The following SMYD3 variants were observed in gnomAD, a reference collection of about 807,000 sequenced individuals.
The protein encoded by SMYD3 is histone-lysine N-methyltransferase SMYD3.
A neutral mutation model predicts 57.7 loss-of-function variants in SMYD3; 36 were observed. That is an observed-to-expected ratio of 0.62 (90% CI 0.48 to 0.82). The LOEUF is 0.82. Ranked by LOEUF, SMYD3 falls within the 40% of genes least tolerant of loss-of-function variation. The probability of loss-of-function intolerance (pLI) is 0.00; values close to 1 mark genes in which losing one functional copy is unlikely to be tolerated. For missense variants in SMYD3, 515 were observed against 538.8 expected (o/e 0.96, Z 0.44); for synonymous variants, 211 against 195.0 (o/e 1.08, Z -0.68).
intron 5 of SMYD3, among the ~76,000 whole-genome samples, chr1:246,073,244 T>C (rs554015296): frequency 6.6e-6 from 1 of 152,352 alleles, no homozygotes; most frequent in East Asian, 1.9e-4. Context: ...ATGTATGGTA[T>C]TGTTGCCTAT....
intron 5 of SMYD3, among the ~76,000 whole-genome samples, chr1:246,103,749 A>G (rs1196909173): frequency 6.6e-6 from 1 of 152,142 alleles, no homozygotes; most frequent in Admixed American, 6.5e-5. Context: ...TTAGTGTGAA[A>G]ATCAAAGCCT....
At chr1:245,789,135 T>A (rs2047165784) in intron 10 of SMYD3, among the ~76,000 whole-genome samples, 1 of 152,212 alleles carries the variant, frequency 6.6e-6, no homozygotes, top group South Asian at 2.1e-4. Context: ...TAATGAAATG[T>A]AGGTATGACA....
At chr1:246,427,333 AAACGGTGAAACCCC>A (rs2067233151) in intron 1 of SMYD3, among the ~76,000 whole-genome samples, 2 of 151,712 alleles carry the variant, frequency 1.3e-5, no homozygotes, top group African/African-American at 4.8e-5. Context: ...ATCCCGGCTA[AAACGGTGAAACCCC>A]GTCTCTACTA....
intron 5 of SMYD3, among the ~76,000 whole-genome samples, chr1:246,276,159 G>A (rs984466042): frequency 8.0e-6 from 1 of 124,498 alleles, no homozygotes; most frequent in Non-Finnish European, 1.7e-5. Context: ...AGTGGAGTCT[G>A]ATGCCCATGT....
intron 10 of SMYD3, among the ~76,000 whole-genome samples, chr1:245,837,983 C>T: frequency 6.6e-6 from 1 of 152,164 alleles, no homozygotes; most frequent in African/African-American, 2.4e-5. Flanking sequence ...GATTTTCCCA[C>T]CAGGGAGTAT....
intron 5 of SMYD3, among the ~76,000 whole-genome samples, chr1:245,962,424 G>A (rs1031634818): frequency 1.3e-4 from 20 of 152,144 alleles, no homozygotes; most frequent in Admixed American, 7.9e-4. Context: ...ACAAGGACAC[G>A]GTTGAGATGA....
chr1:245,842,191 T>A (rs1434858037), intron 10 of SMYD3, among the ~76,000 whole-genome samples: 4 of 152,170 alleles, frequency 2.6e-5, no homozygotes, highest in Non-Finnish European at 4.4e-5. Flanking sequence ...TCCCCATTAT[T>A]AAACAATGCA....
At chr1:245,971,195 G>C (rs2058291411) in intron 5 of SMYD3, among the ~76,000 whole-genome samples, 1 of 152,132 alleles carries the variant, frequency 6.6e-6, no homozygotes, top group African/African-American at 2.4e-5. Flanking sequence ...ACTAACATAG[G>C]AAAAGAAAAC....
intron 5 of SMYD3, among the ~76,000 whole-genome samples, chr1:245,967,047 T>C (rs527652266): frequency 6.6e-6 from 1 of 152,200 alleles, no homozygotes; most frequent in East Asian, 1.9e-4. Context: ...TATTGATCAA[T>C]GTGTTATAAT....
At chr1:246,334,360 T>C (rs575285686) in intron 3 of SMYD3, among the ~76,000 whole-genome samples, 24 of 152,324 alleles carry the variant, frequency 1.6e-4, no homozygotes, top group Admixed American at 1.4e-3. Context: ...ACATAAACAC[T>C]ATGAAATACC....
intron 5 of SMYD3, among the ~76,000 whole-genome samples, chr1:246,083,287 C>A (rs142689510): frequency 2.0e-5 from 3 of 152,204 alleles, no homozygotes; most frequent in Admixed American, 1.3e-4. Context: ...GTGGGACATG[C>A]GGGCAGCAAT....
intron 5 of SMYD3, among the ~76,000 whole-genome samples, chr1:246,091,815 A>G (rs1335641061): frequency 6.6e-6 from 1 of 152,242 alleles, no homozygotes; most frequent in Non-Finnish European, 1.5e-5. Context: ...TTGTGTTTCC[A>G]ATGCTACTTT....
intron 1 of SMYD3, among the ~76,000 whole-genome samples, chr1:246,492,109 G>C (rs2068282470): frequency 6.6e-6 from 1 of 152,188 alleles, no homozygotes. Context: ...TACATCGCTT[G>C]AGTGGATAGC....
At chr1:246,010,618 A>G (rs1346985565) in intron 5 of SMYD3, among the ~76,000 whole-genome samples, 1 of 152,228 alleles carries the variant, frequency 6.6e-6, no homozygotes, top group African/African-American at 2.4e-5. Flanking sequence ...TGTGACGGAG[A>G]AAGTCCAAAT....
At chr1:246,132,003 T>C (rs930070130) in intron 5 of SMYD3, among the ~76,000 whole-genome samples, 2 of 152,172 alleles carry the variant, frequency 1.3e-5, no homozygotes, top group African/African-American at 4.8e-5. Context: ...CCAAACAGTA[T>C]AGACTGAAAA....
intron 1 of SMYD3, among the ~76,000 whole-genome samples, chr1:246,452,182 G>A (rs935574788): frequency 1.6e-4 from 24 of 152,188 alleles, no homozygotes; most frequent in African/African-American, 5.3e-4. Flanking sequence ...ACCAAAACCT[G>A]ACAACGAACA....
intron 5 of SMYD3, among the ~76,000 whole-genome samples, chr1:246,176,449 A>C (rs1309906592): frequency 6.6e-6 from 1 of 152,228 alleles, no homozygotes; most frequent in Non-Finnish European, 1.5e-5. Flanking sequence ...TCTTTAAAAC[A>C]TTGGAAAACA....
intron 5 of SMYD3, among the ~76,000 whole-genome samples, chr1:245,970,653 GAC>G (rs1379221843): frequency 1.3e-5 from 2 of 152,134 alleles, no homozygotes; most frequent in Non-Finnish European, 2.9e-5. Flanking sequence ...GATATGAACA[GAC>G]ACTTCTCAAA....
chr1:246,410,280 C>T (rs1038827700), intron 1 of SMYD3, among the ~76,000 whole-genome samples: 8 of 152,138 alleles, frequency 5.3e-5, no homozygotes, highest in African/African-American at 7.2e-5. Flanking sequence ...CAGTTTTTGT[C>T]CATTCAGTAT....
Sources: gnomAD v4.1 joint callset for allele counts (sites outside exome capture counted in the v4.1 genomes callset) on GRCh38, gnomAD v4.1.1 for gene constraint, MANE v1.5 for transcripts, NCBI Gene and HGNC (gene_info 2026-07-23, HGNC 2026-07-21) for gene names.